The following DNAJC18 variants were observed in gnomAD, a reference collection of about 807,000 sequenced individuals.
DNAJC18 encodes dnaJ homolog subfamily C member 18.
A neutral mutation model predicts 48.6 loss-of-function variants in DNAJC18; 40 were observed. The ratio of observed to expected loss-of-function variants is 0.82; its 90% CI spans 0.64 to 1.07. The LOEUF (loss-of-function observed/expected upper bound fraction) is 1.07. Among genes scored for constraint, DNAJC18 ranks in the 50% least tolerant of loss-of-function variants. The pLI, the probability that DNAJC18 is intolerant of heterozygous loss-of-function variation, is 0.00. For missense variants in DNAJC18, 340 were observed against 427.7 expected, an observed-to-expected ratio of 0.79 and a Z score of 1.81; for synonymous variants, 135 against 152.2, an observed-to-expected ratio of 0.89 and a Z score of 0.83.
intron 7 of DNAJC18, among the ~76,000 whole-genome samples, chr5:139,414,597 A>C (rs1373973703): frequency 6.6e-6 from 1 of 152,270 alleles, no homozygotes; most frequent in Non-Finnish European, 1.5e-5. Context: ...GCCTCCTACA[A>C]ACGGGATTCC....
chr5:139,424,717 CAAAAAAAAAAAAAAAAAAA>C (rs70982777), intron 5 of DNAJC18, among the ~76,000 whole-genome samples: 14 of 23,102 alleles, frequency 6.1e-4, no homozygotes, highest in African/African-American at 8.3e-4. Context: ...GACCCTCTCT[CAAAAAAAAAAAAAAAAAAA>C]AAAAAAAAAA....
chr5:139,414,851 C>T (rs572005479), intron 7 of DNAJC18, among the ~76,000 whole-genome samples: 1 of 152,364 alleles, frequency 6.6e-6, no homozygotes, highest in East Asian at 1.9e-4. Context: ...AAAGTTGAAT[C>T]ATCTGGATCC....
intron 3 of DNAJC18, among the ~76,000 whole-genome samples, chr5:139,428,152 T>C (rs1759272543): frequency 6.6e-6 from 1 of 152,202 alleles, no homozygotes. Flanking sequence ...ATATCAGCAC[T>C]TTGGAAGGCC....
In DNAJC18 at chr5:139,439,492, G is replaced by T; in HGVS notation, c.-47C>A. 2 of 1,613,774 alleles carry T rather than the reference G, an allele frequency of 1.2e-6. No homozygotes were observed. Among genetic ancestry groups the T allele is most frequent in the Non-Finnish European group, 1.7e-6 (2 of 1,179,968 alleles). On this transcript the variant is annotated 5_prime_UTR_variant, in exon 1 of 8. Coordinates refer to ENST00000302060, the MANE Select transcript of DNAJC18 (RefSeq NM_152686.4). The surrounding 1 kb of genome is among the most constrained non-coding windows in gnomAD (Gnocchi z 4.1). ...CCGCCGAGCCTCCCCCGTGCCCGAG[G>T]CTGAAAGAGAAGGGGGCGCGGAGCG...
intron 2 of DNAJC18, among the ~76,000 whole-genome samples, chr5:139,433,077 C>T (rs1561469635): frequency 1.3e-5 from 2 of 152,190 alleles, no homozygotes; most frequent in East Asian, 1.9e-4. Flanking sequence ...CTCAGGCATG[C>T]GATAAGTAAT....
chr5:139,414,053 TTCA>T lies in DNAJC18; in HGVS notation c.*92_*94del. On this transcript the variant is annotated 3_prime_UTR_variant, in exon 8 of 8. Transcript: ENST00000302060. Reference sequence around the variant, plus strand: ...AACGAAGTTAGCAAATAGTAAAGTGTTCATCATTACCTAGTTTTGTATTATAAA... The same window carrying T: ...AACGAAGTTAGCAAATAGTAAAGTGTTCATTACCTAGTTTTGTATTATAAA... 1.3e-6 allele frequency: 2 copies of T among 1,510,870 alleles called. No homozygotes were observed. The highest frequency in any genetic ancestry group is 1.8e-6 in the Non-Finnish European group (2 of 1,128,426). The allele number at this position is 1,510,870 out of a possible 1,614,324, so 93.6% of individuals were successfully genotyped here. A position where few individuals can be genotyped will look rare whatever the true frequency, so the allele number is the denominator to read the frequency against.
chr5:139,436,485 G>A lies in DNAJC18; in HGVS notation c.227+887C>T, dbSNP rs115932299. Among the ~76,000 whole-genome samples the A allele has an allele frequency of 2.6e-3, 366 of 139,316 alleles. 1 individual carries two copies. The highest frequency in any genetic ancestry group is 9.1e-3 in the African/African-American group (351 of 38,400). The allele number at this position is 139,316 out of a possible 152,430, so 91.4% of individuals were successfully genotyped here. ...ATTTGTTGGCACACAATTGTTCATA[G>A]TATTTGGATTGGTAGGGATATCCCT... On this transcript the variant is annotated intron_variant, in intron 2 of 7. Transcript: ENST00000302060.
At chr5:139,432,330 A>G (rs1284148318) in intron 2 of DNAJC18, among the ~76,000 whole-genome samples, 1 of 151,900 alleles carries the variant, frequency 6.6e-6, no homozygotes, top group Non-Finnish European at 1.5e-5. Flanking sequence ...ACACCCAGCT[A>G]ATTTTTGTAT....
chr5:139,433,921 C>T (rs189369783), intron 2 of DNAJC18, among the ~76,000 whole-genome samples: 47 of 152,226 alleles, frequency 3.1e-4, no homozygotes, highest in Admixed American at 9.8e-4. Context: ...GACAGAGTTT[C>T]GCTCTTGTTG....
At chr5:139,431,448 T>C (rs957562850) in intron 2 of DNAJC18, among the ~76,000 whole-genome samples, 1 of 152,120 alleles carries the variant, frequency 6.6e-6, no homozygotes, top group African/African-American at 2.4e-5. Context: ...ATAAAAGGAG[T>C]TATATAACAT....
In DNAJC18 at chr5:139,412,082, G is replaced by A. The variant is rs904096566; in HGVS notation, c.*2066C>T. The A allele has an allele frequency of 6.6e-6, 1 of 152,100 alleles. No individual in the cohort carries two copies. Among genetic ancestry groups the A allele is most frequent in the South Asian group, 2.1e-4 (1 of 4,832 alleles). The allele number at this position is 152,100 out of a possible 1,614,324, so 9.4% of individuals were successfully genotyped here. ...ATTTCTAGAAATGCTCCCTCTCCCTGCAACTGAGCAGTTGTCCCCTACAAG... is the reference window on the plus strand; with the variant it reads ...ATTTCTAGAAATGCTCCCTCTCCCTACAACTGAGCAGTTGTCCCCTACAAG... On this transcript the variant is annotated 3_prime_UTR_variant, in exon 8 of 8. Transcript: ENST00000302060.
rs138422648 is a variant in DNAJC18, at chr5:139,430,135, C to T, written c.228-1452G>A. On this transcript the variant is annotated intron_variant, in intron 2 of 7. Coordinates refer to ENST00000302060, the MANE Select transcript of DNAJC18 (RefSeq NM_152686.4). ...AAAATTACTGAAGACCTCAAAAGAG[C>T]TTTCATTTATATGACTTCTATCAAT... Among the ~76,000 whole-genome samples, 1,435 of 152,240 alleles carry T rather than the reference C, an allele frequency of 9.4e-3. 23 individuals carry two copies. Among genetic ancestry groups the T allele is most frequent in the African/African-American group, 0.032 (1,343 of 41,548 alleles).
At chr5:139,426,049 T>A in intron 4 of DNAJC18, 123 bp downstream of exon 4, 1 of 1,132,904 alleles carries the variant, frequency 8.8e-7, no homozygotes, top group Non-Finnish European at 1.3e-6. Context: ...CCTGCTCAAC[T>A]GATTCTAGAT....
chr5:139,429,362 G>A (rs954359794), intron 2 of DNAJC18, among the ~76,000 whole-genome samples: 3 of 152,098 alleles, frequency 2.0e-5, no homozygotes, highest in Non-Finnish European at 4.4e-5. Flanking sequence ...GATTACAGGT[G>A]TGAGCCACCG....
At chr5:139,418,962 G>A (rs1434201441) in intron 7 of DNAJC18, 1 of 428,036 alleles carries the variant, frequency 2.3e-6, no homozygotes, top group Non-Finnish European at 4.7e-6. Flanking sequence ...GCTGAACAAA[G>A]TGCTTTAAGA....
At chr5:139,433,375 T>C (rs1759361077) in intron 2 of DNAJC18, among the ~76,000 whole-genome samples, 1 of 146,684 alleles carries the variant, frequency 6.8e-6, no homozygotes, top group South Asian at 2.1e-4. Context: ...ACCTGGGAGG[T>C]GGAGGTTGCA....
intron 2 of DNAJC18, among the ~76,000 whole-genome samples, chr5:139,433,573 C>T (rs1759364718): frequency 6.6e-6 from 1 of 152,060 alleles, no homozygotes; most frequent in African/African-American, 2.4e-5. Context: ...GCAGATACTC[C>T]CAATACTTGA....
chr5:139,415,469 G>A (rs1759057341), intron 7 of DNAJC18, among the ~76,000 whole-genome samples: 1 of 152,246 alleles, frequency 6.6e-6, no homozygotes, highest in South Asian at 2.1e-4. Context: ...CTCTACAATG[G>A]AGGCCGCACA....
At position 139,425,061 on chromosome 5, in the gene DNAJC18, G is replaced by A. The variant is rs755180367; in HGVS notation, c.613C>T (p.Arg205Trp). 135 of 1,613,060 alleles carry A rather than the reference G, an allele frequency of 8.4e-5. No homozygotes were observed. The highest frequency in any genetic ancestry group is 1.1e-4 in the Non-Finnish European group (126 of 1,179,376). Residue 205 changes from arginine to tryptophan, a missense_variant, in exon 5 of 8, where the codon CGG (arginine) becomes TGG (tryptophan). Physicochemically the swap from Arg to Trp is moderately radical, Grantham distance 101. Transcript: ENST00000302060. ...VTDDTYYYRR[R>W]HRHERTQTQK... ...GTCTGTGTCCTCTCATGTCGGTGCC[G>A]TCGACGGTAATAGTAAGTGTCATCT...
Sources: allele counts gnomAD v4.1 joint callset (sites outside exome capture counted in the v4.1 genomes callset), GRCh38; gene constraint gnomAD v4.1.1; non-coding constraint Gnocchi (gnomAD v3.1); transcripts MANE v1.5; gene names NCBI Gene and HGNC (gene_info 2026-07-23, HGNC 2026-07-21).